The following DACH2 variants were observed in gnomAD, a reference collection of about 807,000 sequenced individuals.
The protein encoded by DACH2 is dachshund family transcription factor 2, also known as dachshund homolog 2.
In DACH2, 17 loss-of-function variants were observed where a neutral mutation model predicts 35.8. The observed-to-expected ratio is 0.48, with a 90% CI of 0.33 to 0.71. DACH2 has a LOEUF of 0.71. Among genes scored for constraint, DACH2 ranks in the 30% least tolerant of loss-of-function variants. The pLI is 0.02. For synonymous variants in DACH2, 195 were observed against 177.3 expected, an observed-to-expected ratio of 1.10 and a Z score of -0.79; for missense variants, 469 against 472.7, an observed-to-expected ratio of 0.99 and a Z score of 0.07.
intron 1 of DACH2, among the ~76,000 whole-genome samples, chrX:86,266,869 T>A (rs762538217): frequency 8.9e-5 from 10 of 112,239 alleles, no homozygotes; most frequent in South Asian, 3.7e-4. Flanking sequence ...TTATCTTTTT[T>A]AAATGTTTTT....
In DACH2 at chrX:86,568,032, C is replaced by T. The variant is rs767073363; in HGVS notation, c.640+53641C>T. 9.0e-5 allele frequency among the ~76,000 whole-genome samples: 10 copies of T among 111,072 alleles called. No homozygotes were observed. The South Asian group carries it at 3.7e-3, about 41-fold the overall frequency. The stretch of plus-strand genomic sequence containing the variant: ...ATGGGAGTAGCTTAAATGCATATTG[C>T]TAAGTGAAAGAAGCCAATCTAAAAA... On this transcript the variant is annotated intron_variant, in intron 3 of 11. Coordinates refer to ENST00000373125, the MANE Select transcript of DACH2 (RefSeq NM_053281.3).
At chrX:86,599,759 G>T (rs2039765859) in intron 3 of DACH2, among the ~76,000 whole-genome samples, 1 of 110,388 alleles carries the variant, frequency 9.1e-6, no homozygotes, top group South Asian at 3.8e-4. Context: ...GCCTCCTAAA[G>T]TGCTGGGATT....
At chrX:86,686,413 A>G (rs1430752905) in intron 4 of DACH2, among the ~76,000 whole-genome samples, 1 of 109,408 alleles carries the variant, frequency 9.1e-6, no homozygotes, top group African/African-American at 3.3e-5. Flanking sequence ...TTATATTGTT[A>G]GTAGAGATAG....
chrX:86,676,525 T>C (rs923580501), intron 4 of DACH2, among the ~76,000 whole-genome samples: 1 of 111,919 alleles, frequency 8.9e-6, no homozygotes, highest in African/African-American at 3.2e-5. Flanking sequence ...TCTGCGATGA[T>C]GGAAATGTTC....
chrX:86,610,363 C>CTCTTTCTTTCTCTTTCTTTCTT (rs2039917034), intron 3 of DACH2, among the ~76,000 whole-genome samples: 1 of 70,082 alleles, frequency 1.4e-5, no homozygotes. Context: ...TCCTTCCTTC[C>CTCTTTCTTTCTCTTTCTTTCTT]TCTTTCTTTC....
intron 2 of DACH2, among the ~76,000 whole-genome samples, chrX:86,408,933 A>G (rs768424814): frequency 1.8e-5 from 2 of 111,997 alleles, no homozygotes; most frequent in African/African-American, 6.5e-5. Flanking sequence ...ATGAATAAAT[A>G]TGAATAGAGT....
At chrX:86,750,475 AT>A (rs998043551) in intron 7 of DACH2, among the ~76,000 whole-genome samples, 1 of 111,782 alleles carries the variant, frequency 8.9e-6, no homozygotes, top group African/African-American at 3.2e-5. Context: ...CATCTTACAC[AT>A]TTTTAAGTGC....
intron 3 of DACH2, among the ~76,000 whole-genome samples, chrX:86,572,176 G>A (rs1053505274): frequency 5.4e-5 from 6 of 110,563 alleles, no homozygotes; most frequent in Admixed American, 3.9e-4. Context: ...ACACCAACAC[G>A]GCACATGTAT....
intron 1 of DACH2, among the ~76,000 whole-genome samples, chrX:86,266,355 A>AT (rs1215937805): frequency 1.8e-5 from 2 of 111,812 alleles, no homozygotes; most frequent in Non-Finnish European, 3.8e-5. Flanking sequence ...CACGGGTGTC[A>AT]TACAACCGTA....
intron 2 of DACH2, among the ~76,000 whole-genome samples, chrX:86,490,150 C>A (rs766195418): frequency 6.8e-4 from 76 of 112,078 alleles, no homozygotes; most frequent in African/African-American, 2.5e-3. Context: ...AATTAGAGAA[C>A]ACCCACATTA....
chrX:86,821,581 G>A (rs999504178), intron 11 of DACH2, among the ~76,000 whole-genome samples: 1 of 111,034 alleles, frequency 9.0e-6, no homozygotes, highest in African/African-American at 3.3e-5. Context: ...ATCCTGACTG[G>A]TGGTACCTCT....
chrX:86,637,902 A>T (rs1164757213), intron 3 of DACH2, among the ~76,000 whole-genome samples: 2 of 111,882 alleles, frequency 1.8e-5, no homozygotes, highest in Non-Finnish European at 1.9e-5. Context: ...AAAAAATACC[A>T]ATGTCATTTT....
intron 3 of DACH2, among the ~76,000 whole-genome samples, chrX:86,580,199 C>A (rs995601186): frequency 1.8e-5 from 2 of 111,659 alleles, no homozygotes; most frequent in East Asian, 2.8e-4. Flanking sequence ...CCCCCAAGGG[C>A]ATCAAAGAAG....
intron 1 of DACH2, among the ~76,000 whole-genome samples, chrX:86,324,250 G>C (rs1438340777): frequency 3.6e-5 from 4 of 111,877 alleles, no homozygotes; most frequent in African/African-American, 1.3e-4. Context: ...TTTAGAAGTG[G>C]AGCCTGAATA....
chrX:86,739,708 C>G (rs751697072), intron 6 of DACH2, 39 bp from the exon 7 acceptor site: 13 of 1,160,860 alleles, frequency 1.1e-5, no homozygotes, highest in Non-Finnish European at 5.7e-6. Flanking sequence ...AAACTTGGCG[C>G]ATAGATGACA....
chrX:86,691,969 T>TA (rs1160889523), intron 4 of DACH2, among the ~76,000 whole-genome samples: 1 of 111,682 alleles, frequency 9.0e-6, no homozygotes. Flanking sequence ...CAAAGAGGCA[T>TA]AAAAAATGCA....
At chrX:86,728,582 A>T (rs181038198) in intron 6 of DACH2, among the ~76,000 whole-genome samples, 1 of 112,716 alleles carries the variant, frequency 8.9e-6, no homozygotes, top group Non-Finnish European at 1.9e-5. Context: ...AGCCCCTCCC[A>T]TCACAAGCCT....
intron 1 of DACH2, among the ~76,000 whole-genome samples, chrX:86,300,587 A>G (rs773526483): frequency 1.9e-3 from 209 of 110,615 alleles, no homozygotes; most frequent in African/African-American, 6.5e-3. Context: ...TCTAATGTAA[A>G]TGATGAGTTA....
At chrX:86,637,246 A>AAAAAC (rs2040282352) in intron 3 of DACH2, among the ~76,000 whole-genome samples, 7 of 81,848 alleles carry the variant, frequency 8.6e-5, no homozygotes, top group East Asian at 6.1e-4. Flanking sequence ...AAAAAAAAAA[A>AAAAAC]CAGATGCTGG....
Sources: gnomAD v4.1 joint callset for allele counts (sites outside exome capture counted in the v4.1 genomes callset) on GRCh38, gnomAD v4.1.1 for gene constraint, MANE v1.5 for transcripts, NCBI Gene and HGNC (gene_info 2026-07-23, HGNC 2026-07-21) for gene names.